PPM1H: variants seen among roughly 807,000 people sequenced by gnomAD.
PPM1H encodes protein phosphatase 1H.
In PPM1H, 27 loss-of-function variants were observed where a neutral mutation model predicts 54.9. The ratio of observed to expected loss-of-function variants is 0.49; its 90% CI spans 0.36 to 0.68. The LOEUF (loss-of-function observed/expected upper bound fraction) is 0.68. Ranked by LOEUF, PPM1H falls within the 30% of genes least tolerant of loss-of-function variation. The pLI is 0.00. For missense variants in PPM1H, 596 were observed against 667.8 expected, an observed-to-expected ratio of 0.89 and a Z score of 1.19; for synonymous variants, 305 against 270.8, an observed-to-expected ratio of 1.13 and a Z score of -1.24.
intron 5 of PPM1H, among the ~76,000 whole-genome samples, chr12:62,721,535 T>C (rs2076263670): frequency 6.6e-6 from 1 of 152,120 alleles, no homozygotes; most frequent in Non-Finnish European, 1.5e-5. Flanking sequence ...GCTCTGAAAA[T>C]TCTGCTGGGA....
At chr12:62,808,171 T>C (rs1299316708) in intron 2 of PPM1H, among the ~76,000 whole-genome samples, 1 of 152,186 alleles carries the variant, frequency 6.6e-6, no homozygotes, top group Non-Finnish European at 1.5e-5. Flanking sequence ...TAGCAGGCAA[T>C]ACTCTAAATG....
At chr12:62,719,381 GGCAGGAGGCTC>G (rs2076252067) in intron 6 of PPM1H, among the ~76,000 whole-genome samples, 1 of 152,162 alleles carries the variant, frequency 6.6e-6, no homozygotes, top group African/African-American at 2.4e-5. Context: ...TCTCCAGACT[GGCAGGAGGCTC>G]GCTCGTTAGG....
intron 4 of PPM1H, among the ~76,000 whole-genome samples, chr12:62,779,460 C>A (rs189392313): frequency 1.3e-3 from 192 of 152,310 alleles, no homozygotes; most frequent in African/African-American, 4.5e-3. Context: ...CATTCTTCAG[C>A]GGCTTGTTGC....
intron 1 of PPM1H, among the ~76,000 whole-genome samples, chr12:62,846,628 T>G (rs192889928): frequency 3.3e-5 from 5 of 151,916 alleles, no homozygotes; most frequent in Middle Eastern, 3.4e-3. Context: ...TTAGCCATAA[T>G]AAACAGTTTG....
chr12:62,791,565 T>C (rs970744474), intron 3 of PPM1H, among the ~76,000 whole-genome samples: 3 of 152,232 alleles, frequency 2.0e-5, no homozygotes, highest in African/African-American at 7.2e-5. Flanking sequence ...GACTATTTTT[T>C]CACTGTCAGA....
At chr12:62,703,224 G>C (rs2076153953) in intron 6 of PPM1H, among the ~76,000 whole-genome samples, 1 of 152,082 alleles carries the variant, frequency 6.6e-6, no homozygotes, top group Non-Finnish European at 1.5e-5. Context: ...TTTTTCTACT[G>C]TAAGCATGAA....
chr12:62,907,362 G>A (rs1034743680), intron 1 of PPM1H, among the ~76,000 whole-genome samples: 12 of 152,178 alleles, frequency 7.9e-5, no homozygotes, highest in Admixed American at 6.5e-4. Context: ...AGAAAATGGA[G>A]TTCTGCAGAA....
At chr12:62,678,662 C>T (rs1019342175) in intron 8 of PPM1H, among the ~76,000 whole-genome samples, 27 of 151,942 alleles carry the variant, frequency 1.8e-4, no homozygotes, top group African/African-American at 6.5e-4. Context: ...TGAGAATATA[C>T]CAGATTCAAA....
Position 62,915,655 on chromosome 12 carries a change from G to A in PPM1H, c.245+18837C>T, listed in dbSNP as rs13377934. 8.5e-3 allele frequency among the ~76,000 whole-genome samples: 1,301 copies of A among 152,224 alleles called. 20 individuals carry two copies. Among genetic ancestry groups the A allele is most frequent in the African/African-American group, 0.03 (1,225 of 41,520 alleles). ...CAGCCCAGCAAGAGTCCTAAATACA[G>A]AGGCATCATTCAGACATGATTGAAG... On this transcript the variant is annotated intron_variant, in intron 1 of 9. Transcript: ENST00000228705.
intron 8 of PPM1H, among the ~76,000 whole-genome samples, chr12:62,687,004 CTT>C (rs2076056752): frequency 6.6e-6 from 1 of 152,176 alleles, no homozygotes; most frequent in African/African-American, 2.4e-5. Context: ...TGGGAAGTCA[CTT>C]TAGTCTGATA....
At chr12:62,769,237 G>A (rs1688752472) in intron 4 of PPM1H, among the ~76,000 whole-genome samples, 2 of 152,194 alleles carry the variant, frequency 1.3e-5, no homozygotes, top group African/African-American at 4.8e-5. Context: ...CTAGCCCTAA[G>A]AAGCTCTGAT....
chr12:62,787,373 A>T (rs1427095611), intron 4 of PPM1H, among the ~76,000 whole-genome samples: 1 of 152,230 alleles, frequency 6.6e-6, no homozygotes, highest in East Asian at 1.9e-4. Context: ...TTCGGAATAA[A>T]GAGTCAGTTC....
intron 5 of PPM1H, among the ~76,000 whole-genome samples, chr12:62,727,643 T>TTATTATTATTAG (rs959235959): frequency 3.6e-5 from 5 of 139,252 alleles, no homozygotes; most frequent in Non-Finnish European, 6.1e-5. Context: ...GCAAATATTA[T>TTATTATTATTAG]TATTATTATT....
chr12:62,872,422 G>C (rs1484620655), intron 1 of PPM1H, among the ~76,000 whole-genome samples: 1 of 152,096 alleles, frequency 6.6e-6, no homozygotes, highest in East Asian at 1.9e-4. Flanking sequence ...AAATCACAAT[G>C]AATTTTACAA....
chr12:62,833,208 C>G (rs1190441617), intron 1 of PPM1H, among the ~76,000 whole-genome samples: 1 of 152,070 alleles, frequency 6.6e-6, no homozygotes, highest in Non-Finnish European at 1.5e-5. Context: ...GTTTATGGAA[C>G]TCAGTAGCAA....
intron 5 of PPM1H, among the ~76,000 whole-genome samples, chr12:62,734,045 G>C (rs545904636): frequency 4.3e-4 from 66 of 152,084 alleles, no homozygotes; most frequent in African/African-American, 1.5e-3. Context: ...GAAGTGATTA[G>C]GTCATGAGGG....
chr12:62,909,506 A>C (rs948263890), intron 1 of PPM1H, among the ~76,000 whole-genome samples: 4 of 151,792 alleles, frequency 2.6e-5, no homozygotes, highest in Admixed American at 2.6e-4. Flanking sequence ...AGCATATCCC[A>C]ATCTTGGTGT....
chr12:62,802,257 T>C (rs1181193736), intron 2 of PPM1H, 97 bp from the exon 3 acceptor site: 15 of 958,558 alleles, frequency 1.6e-5, no homozygotes, highest in Non-Finnish European at 2.1e-5. Flanking sequence ...AGGGTCCACT[T>C]GGTTGTCTGT....
At chr12:62,686,326 G>A (rs1440507056) in intron 8 of PPM1H, among the ~76,000 whole-genome samples, 1 of 152,234 alleles carries the variant, frequency 6.6e-6, no homozygotes, top group Non-Finnish European at 1.5e-5. Flanking sequence ...AAGTAAATGT[G>A]AGAAAGGGAG....
Sources: gnomAD v4.1 joint callset for allele counts (sites outside exome capture counted in the v4.1 genomes callset) on GRCh38, gnomAD v4.1.1 for gene constraint, MANE v1.5 for transcripts, NCBI Gene and HGNC (gene_info 2026-07-23, HGNC 2026-07-21) for gene names.